Variants in SOX6 observed in about 807,000 individuals in gnomAD.
SOX6 encodes the protein SRY-box transcription factor 6.
A neutral mutation model predicts 97.8 loss-of-function variants in SOX6; 11 were observed. The ratio of observed to expected loss-of-function variants is 0.11; its 90% CI spans 0.07 to 0.19. SOX6 has a LOEUF of 0.19. Ranked by LOEUF, SOX6 falls within the 10% of genes least tolerant of loss-of-function variation. The pLI is 1.00. For synonymous variants in SOX6, 360 were observed against 371.4 expected, an observed-to-expected ratio of 0.97 and a Z score of 0.35; for missense variants, 810 against 1,039.5, an observed-to-expected ratio of 0.78 and a Z score of 3.04.
chr11:16,589,090 A>G (rs1848124489), intron 4 of SOX6, among the ~76,000 whole-genome samples: 1 of 152,200 alleles, frequency 6.6e-6, no homozygotes, highest in Non-Finnish European at 1.5e-5. Flanking sequence ...ATCAATCTGT[A>G]GTCCTACTTC....
chr11:16,622,113 T>C (rs1282193714), intron 3 of SOX6, among the ~76,000 whole-genome samples: 2 of 152,216 alleles, frequency 1.3e-5, no homozygotes, highest in Non-Finnish European at 2.9e-5. Context: ...GAAAAGCTTA[T>C]GTGTGACAAT....
At position 16,309,931 on chromosome 11, in the gene SOX6, A is replaced by G. The variant is rs552025095; in HGVS notation, c.445+8515T>C. The stretch of plus-strand genomic sequence containing the variant: ...ATGAGACTATAACTTATTTCATAAA[A>G]CCATCAGAAAGCTGCATCCTCTTTC... On this transcript the variant is annotated intron_variant, in intron 3 of 15. Transcript: ENST00000683767. Among the ~76,000 whole-genome samples, 153 of 152,232 alleles carry G rather than the reference A, an allele frequency of 1.0e-3. 1 individual carries two copies. Among genetic ancestry groups the G allele is most frequent in the Non-Finnish European group, 1.3e-3 (89 of 67,980 alleles).
chr11:16,342,727 A>G (rs546974952), intron 1 of SOX6, among the ~76,000 whole-genome samples: 34 of 152,024 alleles, frequency 2.2e-4, no homozygotes, highest in Admixed American at 1.8e-3. Context: ...ATTTCTCACA[A>G]TTAATGAGGG....
At chr11:15,992,368 A>G (rs576011537) in intron 13 of SOX6, among the ~76,000 whole-genome samples, 2 of 152,316 alleles carry the variant, frequency 1.3e-5, no homozygotes, top group Admixed American at 1.3e-4. Flanking sequence ...AACACCACAC[A>G]GATTGCAATG....
chr11:16,585,447 C>A (rs1189657436), intron 4 of SOX6, among the ~76,000 whole-genome samples: 1 of 152,120 alleles, frequency 6.6e-6, no homozygotes, highest in East Asian at 1.9e-4. Context: ...ATTAAAACAA[C>A]AGGCCAAAGT....
chr11:16,652,022 C>G (rs1299043223), intron 3 of SOX6, among the ~76,000 whole-genome samples: 2 of 151,498 alleles, frequency 1.3e-5, no homozygotes, highest in Non-Finnish European at 3.0e-5. Flanking sequence ...ACAACAGCTG[C>G]AAAAAAATAT....
intron 12 of SOX6, 79 bp from the exon 13 acceptor site, chr11:16,015,129 T>C (rs1175175343): frequency 8.2e-7 from 1 of 1,212,232 alleles, no homozygotes; most frequent in African/African-American, 1.5e-5. Context: ...TCTTGCTTAA[T>C]GGCCAAAAGG....
intron 12 of SOX6, among the ~76,000 whole-genome samples, chr11:16,020,520 A>T (rs1855023250): frequency 6.6e-6 from 1 of 151,940 alleles, no homozygotes; most frequent in Non-Finnish European, 1.5e-5. Context: ...CACCTTTTTA[A>T]ACTCAATTTT....
Position 15,989,914 on chromosome 11 carries a change from A to C in SOX6, c.1733-684T>G, listed in dbSNP as rs1035647768. ...GAGGTGCTACAATACTGACATTAACAGGGCACCAAAAAAGCACCAGATAGA... is the reference window on the plus strand; with the variant it reads ...GAGGTGCTACAATACTGACATTAACCGGGCACCAAAAAAGCACCAGATAGA... On this transcript the variant is annotated intron_variant, in intron 13 of 15. Coordinates refer to ENST00000683767, the MANE Select transcript of SOX6 (RefSeq NM_001367873.1). Among the ~76,000 whole-genome samples, 3 of 152,192 alleles carry C rather than the reference A, an allele frequency of 2.0e-5. No homozygotes were observed. In the East Asian group the frequency reaches 5.8e-4, roughly 29 times the overall value.
intron 1 of SOX6, among the ~76,000 whole-genome samples, chr11:16,403,232 A>T (rs1858605701): frequency 6.6e-6 from 1 of 151,732 alleles, no homozygotes; most frequent in East Asian, 1.9e-4. Flanking sequence ...TAGAATAACA[A>T]TAATGAGACC....
intron 7 of SOX6, among the ~76,000 whole-genome samples, chr11:16,106,136 C>A (rs575578080): frequency 6.6e-6 from 1 of 152,070 alleles, no homozygotes; most frequent in Admixed American, 6.6e-5. Context: ...CCCAAAGCAA[C>A]CTGCAGAGTC....
intron 1 of SOX6, among the ~76,000 whole-genome samples, chr11:16,383,630 T>C (rs1305437609): frequency 6.6e-6 from 1 of 151,986 alleles, no homozygotes; most frequent in Non-Finnish European, 1.5e-5. Context: ...GCTCAATAAA[T>C]GGATCTTTAA....
chr11:16,549,703 A>C (rs1418298407), intron 4 of SOX6, among the ~76,000 whole-genome samples: 1 of 152,222 alleles, frequency 6.6e-6, no homozygotes, highest in Non-Finnish European at 1.5e-5. Flanking sequence ...GAAGACCATC[A>C]ACTGGTGATA....
chr11:16,338,659 A>T (rs1856538890), intron 2 of SOX6, among the ~76,000 whole-genome samples: 1 of 152,040 alleles, frequency 6.6e-6, no homozygotes. Context: ...AGTCATTCGG[A>T]ATACACAAAG....
At chr11:16,634,825 G>C (rs1005921482) in intron 3 of SOX6, among the ~76,000 whole-genome samples, 1 of 152,098 alleles carries the variant, frequency 6.6e-6, no homozygotes, top group African/African-American at 2.4e-5. Flanking sequence ...GAGGGACCCA[G>C]TGAGGGGTAA....
At chr11:16,309,217 A>G (rs1855525902) in intron 3 of SOX6, among the ~76,000 whole-genome samples, 2 of 152,244 alleles carry the variant, frequency 1.3e-5, no homozygotes, top group Admixed American at 1.3e-4. Flanking sequence ...GACAGGTGCA[A>G]GAATCTTCAT....
intron 1 of SOX6, among the ~76,000 whole-genome samples, chr11:16,388,666 A>G (rs1473288034): frequency 6.6e-6 from 1 of 152,048 alleles, no homozygotes; most frequent in African/African-American, 2.4e-5. Context: ...ACAGATATTC[A>G]CAATATTTTC....
At chr11:16,500,823 T>G (rs192403706) in intron 4 of SOX6, among the ~76,000 whole-genome samples, 3 of 152,126 alleles carry the variant, frequency 2.0e-5, no homozygotes, top group Admixed American at 6.6e-5. Context: ...TACAAACAAA[T>G]GGAAGAACAT....
chr11:16,638,874 G>T (rs1356969776), intron 3 of SOX6, among the ~76,000 whole-genome samples: 2 of 152,140 alleles, frequency 1.3e-5, no homozygotes, highest in South Asian at 2.1e-4. Context: ...TAGGTTACCT[G>T]TTCACTCTGA....
Sources: gnomAD v4.1 joint callset for allele counts (sites outside exome capture counted in the v4.1 genomes callset) on GRCh38, gnomAD v4.1.1 for gene constraint, MANE v1.5 for transcripts, NCBI Gene and HGNC (gene_info 2026-07-23, HGNC 2026-07-21) for gene names.